The following PAN2 variants were observed in gnomAD, a reference collection of about 807,000 sequenced individuals.
The protein encoded by PAN2 is PAN2-PAN3 deadenylation complex catalytic subunit PAN2.
Under a neutral mutation model 133.3 loss-of-function variants are expected in PAN2, and 68 were observed. The observed-to-expected ratio is 0.51, with a 90% CI of 0.42 to 0.62. The LOEUF (loss-of-function observed/expected upper bound fraction) is 0.62. Among genes scored for constraint, PAN2 ranks in the 20% least tolerant of loss-of-function variants. The probability of loss-of-function intolerance (pLI) is 0.00; values close to 1 mark genes in which losing one functional copy is unlikely to be tolerated. For synonymous variants in PAN2, 462 were observed against 544.6 expected, an observed-to-expected ratio of 0.85 and a Z score of 2.11; for missense variants, 1,042 against 1,500.5, an observed-to-expected ratio of 0.69 and a Z score of 5.05.
At chr12:56,326,982 C>T in intron 6 of PAN2, 23 bp from the exon 7 acceptor site, 1 of 1,592,088 alleles carries the variant, frequency 6.3e-7, no homozygotes, top group South Asian at 1.1e-5. Context: ...AAGAAACCCA[C>T]TGAGCCCTAG....
intron 17 of PAN2, 100 bp from the exon 18 acceptor site, chr12:56,322,858 G>A: frequency 8.5e-7 from 1 of 1,178,068 alleles, no homozygotes; most frequent in Non-Finnish European, 1.2e-6. Context: ...GGGGATGGGG[G>A]ACCAGGGTGG....
At chr12:56,318,137 A>T in intron 25 of PAN2, 100 bp downstream of exon 25, 1 of 962,320 alleles carries the variant, frequency 1.0e-6, no homozygotes, top group Non-Finnish European at 1.7e-6. Context: ...TAATCACGCT[A>T]CTGCACTTCA....
rs760019626 is a variant in PAN2 at position 56,322,486 on chromosome 12, T to C, written c.2638-4A>G. 1.3e-5 allele frequency: 21 copies of C among 1,613,612 alleles called. No individual in the cohort carries two copies. The highest frequency in any genetic ancestry group is 3.3e-4 in the Middle Eastern group (2 of 6,082). ...ACCACTGCTGGTGAGTAACGCCCTA[T>C]GGAAATACAAAGAAAGCCTGTGGCG... On this transcript the variant is annotated splice_polypyrimidine_tract_variant and splice_region_variant and intron_variant, in intron 18 of 25. Coordinates refer to ENST00000440411, the MANE Select transcript of PAN2 (RefSeq NM_014871.6).
At chr12:56,323,469 C>T (rs781598524) in intron 15 of PAN2, 31 bp downstream of exon 15, 10 of 1,610,184 alleles carry the variant, frequency 6.2e-6, no homozygotes, top group Admixed American at 3.3e-5. Context: ...AAAATTATTC[C>T]GGAAGCCTTG....
At position 56,319,331 on chromosome 12, in the gene PAN2, CCTT is replaced by C; in HGVS notation, c.3244_3246del (p.Lys1082del). On this transcript the variant is annotated inframe_deletion, in exon 23 of 26. Transcript: ENST00000440411. The surrounding 1 kb of genome is among the most constrained non-coding windows in gnomAD (Gnocchi z 5.4). ...ACCATCAGGTTGATGACCCGGAAGT[CCTT>C]CTGCAGGCCATGACCCACAAACTTG... 6.2e-7 allele frequency: 1 copy of C among 1,613,882 alleles called. No individual in the cohort carries two copies. The highest frequency in any genetic ancestry group is 1.7e-5 in the Admixed American group (1 of 59,972).
At position 56,326,820 on chromosome 12, in the gene PAN2, A is replaced by G; in HGVS notation, c.1059T>C (p.Cys353=). ...CCGGGGAATCAGTCCAGAGGTGCAC[A>G]CAGCCCTCAGAATCCCCAAAGGCCA... ...QALAFGDSEG[C]VHLWTDSPEP... Residue 353 remains cysteine (C), a synonymous_variant, in exon 7 of 26, where the codon TGT becomes TGC. Transcript: ENST00000440411. 1 of 1,614,214 alleles carries G rather than the reference A, an allele frequency of 6.2e-7. No individual in the cohort carries two copies. The highest frequency in any genetic ancestry group is 8.5e-7 in the Non-Finnish European group (1 of 1,180,028).
Position 56,328,537 on chromosome 12 carries a change from G to A in PAN2, c.387C>T (p.Ile129=), listed in dbSNP as rs1875375129. 6.2e-7 allele frequency: 1 copy of A among 1,614,074 alleles called. No individual in the cohort carries two copies. The highest frequency in any genetic ancestry group is 1.7e-5 in the Admixed American group (1 of 60,012). ...IRQIQSLENG[I]LFLTKNNLKY... is the part of the protein sequence containing the mutation. ...TGAGGTTGTTCTTGGTGAGAAAAAGGATACCATTCTCCAGGCTCTGGATCT... is the reference window on the plus strand; with the variant it reads ...TGAGGTTGTTCTTGGTGAGAAAAAGAATACCATTCTCCAGGCTCTGGATCT... Residue 129 remains isoleucine, a synonymous_variant, in exon 3 of 26, where the codon ATC becomes ATT. Coordinates refer to ENST00000440411, the MANE Select transcript of PAN2 (RefSeq NM_014871.6).
At chr12:56,321,723 C>T (rs1874566446) in intron 20 of PAN2, among the ~76,000 whole-genome samples, 1 of 150,926 alleles carries the variant, frequency 6.6e-6, no homozygotes, top group African/African-American at 2.4e-5. Flanking sequence ...TGGTGGTGGG[C>T]GTCTGTAATC....
chr12:56,328,369 G>A lies in PAN2; in HGVS notation c.453-11C>T, dbSNP rs755071491. 2 of 1,592,784 alleles carry A rather than the reference G, an allele frequency of 1.3e-6. No individual in the cohort carries two copies. Among genetic ancestry groups the A allele is most frequent in the Non-Finnish European group, 8.6e-7 (1 of 1,168,204 alleles). On this transcript the variant is annotated splice_polypyrimidine_tract_variant and intron_variant, in intron 3 of 25. Coordinates refer to ENST00000440411, the MANE Select transcript of PAN2 (RefSeq NM_014871.6). ...TCATTCTCATCCAGCCTGGTGGGGA[G>A]AGGAAAGGCTAAGGGGCCCAGGCCT...
chr12:56,320,015 T>C lies in PAN2; in HGVS notation c.2795A>G (p.Asn932Ser). 6.2e-7 allele frequency: 1 copy of C among 1,613,912 alleles called. No individual in the cohort carries two copies. Among genetic ancestry groups the C allele is most frequent in the Non-Finnish European group, 8.5e-7 (1 of 1,179,966 alleles). Reference protein sequence around the residue: ...LNSRYNLNIKNPIEASVLLAE... With the variant: ...LNSRYNLNIKSPIEASVLLAE... ...CAGCAAGACACTTGCCTCAATAGGG[T>C]TCTTGACTAGAAGGGAGAATGCAGA... The change falls in exon 21 of 26, where the codon AAC becomes AGC. Residue 932 changes from asparagine (N) to serine (S), a missense_variant. Coordinates refer to ENST00000440411, the MANE Select transcript of PAN2 (RefSeq NM_014871.6).
chr12:56,326,715 C>G lies in PAN2; in HGVS notation c.1164G>C (p.Trp388Cys). ...GGGAAAGAGGCAGCAGGTCCTGGCT[C>G]CAGTCCAGAGGAGGCAGTGAGTCCA... ...CLVDSLPPLD[W>C]SQDLLPLSLI... Residue 388 changes from tryptophan to cysteine, a missense_variant, in exon 7 of 26, where the codon TGG (tryptophan) becomes TGC (cysteine). By Grantham distance (215) the Trp-to-Cys change is radical. Coordinates refer to ENST00000440411, the MANE Select transcript of PAN2 (RefSeq NM_014871.6). 1 of 1,613,966 alleles carries G rather than the reference C, an allele frequency of 6.2e-7. No individual in the cohort carries two copies. The highest frequency in any genetic ancestry group is 8.5e-7 in the Non-Finnish European group (1 of 1,179,986).
In PAN2 at chr12:56,319,004, G is replaced by C; in HGVS notation, c.3364+84C>G. On this transcript the variant is annotated intron_variant, in intron 24 of 25. Coordinates refer to ENST00000440411, the MANE Select transcript of PAN2 (RefSeq NM_014871.6). The surrounding 1 kb of genome is among the most constrained non-coding windows in gnomAD (Gnocchi z 5.4). ...GATGGCCCACAGCTCCATCCATGTT[G>C]CCGCAAAGAACATGATTTCTTTTTT... 1 of 1,311,356 alleles carries C rather than the reference G, an allele frequency of 7.6e-7. No individual in the cohort carries two copies. The highest frequency in any genetic ancestry group is 1.1e-6 in the Non-Finnish European group (1 of 911,218). The allele number at this position is 1,311,356 out of a possible 1,614,324, so 81.2% of individuals were successfully genotyped here.
Position 56,327,981 on chromosome 12 carries a change from T to C in PAN2, c.651+14A>G, listed in dbSNP as rs767212831. On this transcript the variant is annotated intron_variant, in intron 5 of 25. Transcript: ENST00000440411. ...CAGGGCCCTGCAGTGGGAGGAGAAA[T>C]GGAACTTGGCCACCTTGCCAGACGT... The C allele has an allele frequency of 8.7e-6, 14 of 1,613,446 alleles. No individual in the cohort carries two copies. In the South Asian group the frequency reaches 1.3e-4, roughly 15 times the overall value.
At chr12:56,330,130 G>GCT (rs1875591849) in intron 2 of PAN2, among the ~76,000 whole-genome samples, 1 of 152,002 alleles carries the variant, frequency 6.6e-6, no homozygotes, top group Non-Finnish European at 1.5e-5. Flanking sequence ...GAGGCATGGA[G>GCT]CTCTGCCTCT....
intron 1 of PAN2, 49 bp from the exon 2 acceptor site, chr12:56,333,257 T>C (rs1876107198): frequency 1.5e-6 from 1 of 663,024 alleles, no homozygotes; most frequent in African/African-American, 1.8e-5. Flanking sequence ...CAGGTACTGG[T>C]ACTTAGGGTC....
At chr12:56,328,392 C>A (rs777628618) in intron 3 of PAN2, 34 bp from the exon 4 acceptor site, 1 of 1,596,082 alleles carries the variant, frequency 6.3e-7, no homozygotes, top group Non-Finnish European at 8.5e-7. Flanking sequence ...GGGGCCCAGG[C>A]CTTACAAGCT....
chr12:56,319,386 C>T lies in PAN2; in HGVS notation c.3192G>A (p.Lys1064=), dbSNP rs766526236. 1.2e-5 allele frequency: 19 copies of T among 1,614,060 alleles called. No homozygotes were observed. In the South Asian group the frequency reaches 1.8e-4, roughly 15 times the overall value. The part of the protein sequence containing the change: ...HLTTLKSTYL[K]LRFLIDIGVK... ...CTCCAATGTCAATGAGAAAACGAAG[C>T]TTTAAGTAGGTAGACTTGAGAGTTG... is the stretch of plus-strand genomic sequence containing the variant. The change falls in exon 23 of 26, where the codon AAG becomes AAA. Residue 1064 remains lysine, a synonymous_variant. Transcript: ENST00000440411. The surrounding 1 kb of genome is among the most constrained non-coding windows in gnomAD (Gnocchi z 5.4).
intron 14 of PAN2, 60 bp from the exon 15 acceptor site, chr12:56,323,658 G>A (rs992373578): frequency 6.6e-7 from 1 of 1,525,886 alleles, no homozygotes; most frequent in African/African-American, 1.4e-5. Flanking sequence ...AGTCTGGACA[G>A]GGACCTGGGT....
chr12:56,318,679 T>A (rs1348424179), intron 24 of PAN2: 4 of 493,926 alleles, frequency 8.1e-6, no homozygotes, highest in African/African-American at 3.9e-5. Context: ...CTTTTTCTTT[T>A]CCCCCCATGC....
Sources: gnomAD v4.1 joint callset for allele counts (sites outside exome capture counted in the v4.1 genomes callset) on GRCh38, gnomAD v4.1.1 for gene constraint, Gnocchi (gnomAD v3.1) non-coding constraint, MANE v1.5 for transcripts, NCBI Gene and HGNC (gene_info 2026-07-23, HGNC 2026-07-21) for gene names.